VAC14: variants seen among roughly 807,000 people sequenced by gnomAD.
VAC14 encodes the protein protein VAC14 homolog.
VAC14 carries 47 observed loss-of-function variants against 85.3 expected under a neutral mutation model. That is an observed-to-expected ratio of 0.55 (90% confidence interval 0.44 to 0.70). The LOEUF is 0.70. Among genes scored for constraint, VAC14 ranks in the 30% least tolerant of loss-of-function variants. VAC14 has a pLI of 0.00. For synonymous variants in VAC14, 447 were observed against 430.5 expected, an observed-to-expected ratio of 1.04 and a Z score of -0.47; for missense variants, 861 against 1,004.3, an observed-to-expected ratio of 0.86 and a Z score of 1.93.
At chr16:70,703,508 CAA>C (rs1348392348) in intron 14 of VAC14, among the ~76,000 whole-genome samples, 2 of 152,188 alleles carry the variant, frequency 1.3e-5, no homozygotes, top group Non-Finnish European at 2.9e-5. Context: ...GGCCAGAAGG[CAA>C]AGACACACGC....
At chr16:70,791,447 C>T (rs781071620) in intron 1 of VAC14, among the ~76,000 whole-genome samples, 8 of 152,162 alleles carry the variant, frequency 5.3e-5, no homozygotes, top group South Asian at 2.1e-4. Flanking sequence ...TGCAGTGGTG[C>T]GATCTCGGCT....
chr16:70,730,282 C>A (rs954182633), intron 14 of VAC14, among the ~76,000 whole-genome samples: 1 of 152,056 alleles, frequency 6.6e-6, no homozygotes, highest in Non-Finnish European at 1.5e-5. Context: ...GTCTTTCAAG[C>A]CAGAAATCCA....
At chr16:70,731,900 C>T (rs1222289463) in intron 13 of VAC14, among the ~76,000 whole-genome samples, 2 of 152,180 alleles carry the variant, frequency 1.3e-5, no homozygotes, top group Non-Finnish European at 2.9e-5. Flanking sequence ...ACTGTCCACC[C>T]TTTCATCCAA....
intron 2 of VAC14, 55 bp from the exon 3 acceptor site, chr16:70,785,924 G>A (rs559768906): frequency 2.3e-5 from 36 of 1,537,512 alleles, no homozygotes; most frequent in Non-Finnish European, 3.1e-5. Context: ...CCCAGGCCCT[G>A]CAGCCTGCAG....
At chr16:70,779,971 G>A (rs2033726027) in intron 9 of VAC14, among the ~76,000 whole-genome samples, 1 of 151,816 alleles carries the variant, frequency 6.6e-6, no homozygotes, top group South Asian at 2.1e-4. Context: ...GCTTCCTGAG[G>A]AGCTGGGACT....
intron 14 of VAC14, among the ~76,000 whole-genome samples, chr16:70,712,749 T>G (rs2054062025): frequency 6.6e-6 from 1 of 152,240 alleles, no homozygotes; most frequent in Admixed American, 6.5e-5. Context: ...TCTTTCCCAT[T>G]TACTGCTATA....
At chr16:70,703,486 C>T (rs2053867345) in intron 14 of VAC14, among the ~76,000 whole-genome samples, 1 of 152,170 alleles carries the variant, frequency 6.6e-6, no homozygotes, top group Non-Finnish European at 1.5e-5. Context: ...CAGGCACAGG[C>T]AGGGGGGATG....
intron 14 of VAC14, among the ~76,000 whole-genome samples, chr16:70,706,514 G>GT (rs1252033894): frequency 2.0e-5 from 3 of 152,192 alleles, no homozygotes; most frequent in Admixed American, 2.0e-4. Context: ...GCGAGCCCTT[G>GT]TTTATTTTCT....
intron 9 of VAC14, among the ~76,000 whole-genome samples, chr16:70,774,172 G>T (rs142397528): frequency 6.6e-6 from 1 of 152,204 alleles, no homozygotes; most frequent in East Asian, 1.9e-4. Flanking sequence ...TTCCATTCCT[G>T]GCCTTTTGTT....
In VAC14 at chr16:70,784,856, A is replaced by G. The variant is rs2271047; in HGVS notation, c.424-18T>C. ...GCTGCCAGCTGCAAGAGGCACAGAC[A>G]GGGGAGGGACACAGAGGCGAGGGTC... On this transcript the variant is annotated intron_variant, in intron 3 of 18. Coordinates refer to ENST00000261776, the MANE Select transcript of VAC14 (RefSeq NM_018052.5). 0.41 allele frequency: 655,113 copies of G among 1,610,720 alleles called. 138,355 individuals are homozygous for G. Among genetic ancestry groups the G allele is most frequent in the South Asian group, 0.46 (42,085 of 91,008 alleles).
intron 14 of VAC14, among the ~76,000 whole-genome samples, chr16:70,724,577 T>C (rs2054374769): frequency 6.6e-6 from 1 of 152,210 alleles, no homozygotes; most frequent in African/African-American, 2.4e-5. Flanking sequence ...CCCCCTGCCA[T>C]TCCCATTGCG....
intron 14 of VAC14, among the ~76,000 whole-genome samples, chr16:70,712,373 C>T (rs1033462341): frequency 2.0e-5 from 3 of 152,116 alleles, no homozygotes; most frequent in African/African-American, 7.2e-5. Context: ...CACGCCACTG[C>T]CCCTCTGAGC....
At chr16:70,759,879 C>A (rs564151977) in intron 12 of VAC14, among the ~76,000 whole-genome samples, 1 of 152,292 alleles carries the variant, frequency 6.6e-6, no homozygotes, top group African/African-American at 2.4e-5. Context: ...TAGTGCCAAA[C>A]AGATCTGGCT....
At chr16:70,799,505 T>C (rs561575486) in intron 1 of VAC14, among the ~76,000 whole-genome samples, 5 of 152,280 alleles carry the variant, frequency 3.3e-5, no homozygotes, top group South Asian at 2.1e-4. Flanking sequence ...TTGATTTGGA[T>C]TGCAAGCAGC....
At chr16:70,733,941 G>T (rs759936216) in intron 13 of VAC14, among the ~76,000 whole-genome samples, 6 of 152,100 alleles carry the variant, frequency 3.9e-5, no homozygotes, top group Non-Finnish European at 8.8e-5. Flanking sequence ...TCCTGCATCA[G>T]CCTCCCAAGT....
chr16:70,774,713 C>T (rs1176223737), intron 9 of VAC14, among the ~76,000 whole-genome samples: 3 of 150,590 alleles, frequency 2.0e-5, no homozygotes, highest in Admixed American at 1.3e-4. Flanking sequence ...CTCTTTCTCC[C>T]CCTCTCCCCT....
At chr16:70,781,572 C>G (rs1161322152) in intron 8 of VAC14, among the ~76,000 whole-genome samples, 1 of 152,136 alleles carries the variant, frequency 6.6e-6, no homozygotes, top group Non-Finnish European at 1.5e-5. Context: ...CTCCCACCAA[C>G]AGGATCTCCC....
chr16:70,773,139 G>A (rs2033332487), intron 9 of VAC14: 1 of 152,184 alleles, frequency 6.6e-6, no homozygotes, highest in Admixed American at 6.5e-5. Flanking sequence ...AAAATTGATT[G>A]TGGTGATGGT....
At chr16:70,695,187 C>G (rs1325444849) in intron 17 of VAC14, among the ~76,000 whole-genome samples, 3 of 150,914 alleles carry the variant, frequency 2.0e-5, no homozygotes, top group African/African-American at 7.3e-5. Flanking sequence ...TCACAGATCA[C>G]TGTAGTCTCA....
Sources: allele counts gnomAD v4.1 joint callset (sites outside exome capture counted in the v4.1 genomes callset), GRCh38; gene constraint gnomAD v4.1.1; transcripts MANE v1.5; gene names NCBI Gene and HGNC (gene_info 2026-07-23, HGNC 2026-07-21).